Variants in SLC25A37 observed in about 807,000 individuals in gnomAD.
The protein encoded by SLC25A37 is mitoferrin-1.
SLC25A37 carries 17 observed loss-of-function variants against 31.0 expected under a neutral mutation model. The ratio of observed to expected loss-of-function variants is 0.55; its 90% CI spans 0.38 to 0.82. The LOEUF (loss-of-function observed/expected upper bound fraction) is 0.82. SLC25A37 is among the 40% of genes least tolerant of loss of function. SLC25A37 has a pLI of 0.00. For missense variants in SLC25A37, 404 were observed against 465.8 expected (o/e 0.87, Z 1.22); for synonymous variants, 222 against 193.0 (o/e 1.15, Z -1.24).
At chr8:23,559,585 A>G (rs1585196390) in intron 1 of SLC25A37, among the ~76,000 whole-genome samples, 1 of 152,316 alleles carries the variant, frequency 6.6e-6, no homozygotes, top group Middle Eastern at 3.4e-3. Context: ...AGTGTCATGC[A>G]TCCACAGAAC....
At chr8:23,537,057 A>G (rs1293898625) in intron 1 of SLC25A37, among the ~76,000 whole-genome samples, 2 of 152,014 alleles carry the variant, frequency 1.3e-5, no homozygotes, top group Non-Finnish European at 2.9e-5. Flanking sequence ...TTAGCTTGGT[A>G]TAGTGGTATG....
In SLC25A37 at chr8:23,529,058, G is replaced by C. The variant is rs200459609; in HGVS notation, c.56G>C (p.Gly19Ala). ...CAGGCGGTGGCGCGGAGGATGGATG[G>C]GGACAGCCGAGATGGCGGCGGCGGC... is the stretch of plus-strand genomic sequence containing the variant. ...GSQAVARRMDGDSRDGGGGKD... is the reference protein window; with the variant it reads ...GSQAVARRMDADSRDGGGGKD... Residue 19 changes from glycine to alanine, a missense_variant, in exon 1 of 4, where the codon GGG becomes GCG. Transcript: ENST00000519973. The surrounding 1 kb of genome is among the most constrained non-coding windows in gnomAD (Gnocchi z 4.1). The C allele has an allele frequency of 9.4e-4, 1,483 of 1,583,794 alleles. 13 individuals carry two copies. The Middle Eastern group carries it at 0.025, about 27-fold the overall frequency.
intron 1 of SLC25A37, among the ~76,000 whole-genome samples, chr8:23,548,893 C>T (rs1411399658): frequency 1.3e-5 from 2 of 152,170 alleles, no homozygotes; most frequent in Non-Finnish European, 2.9e-5. Flanking sequence ...GTTTCAGGCT[C>T]ATCTTCAGGT....
At position 23,571,862 on chromosome 8, in the gene SLC25A37, G is replaced by C. The variant is rs778414489; in HGVS notation, c.*7G>C. 6.2e-7 allele frequency: 1 copy of C among 1,604,776 alleles called. No homozygotes were observed. The highest frequency in any genetic ancestry group is 1.1e-5 in the South Asian group (1 of 90,948). On this transcript the variant is annotated 3_prime_UTR_variant, in exon 4 of 4. Coordinates refer to ENST00000519973, the MANE Select transcript of SLC25A37 (RefSeq NM_016612.4). ...AAATCGAGCTCCATACTAAAGGAAG[G>C]GATCATAGAATCTTTTCTTAAAGTC...
intron 1 of SLC25A37, among the ~76,000 whole-genome samples, chr8:23,552,170 G>C (rs1048092207): frequency 6.6e-6 from 1 of 152,178 alleles, no homozygotes; most frequent in Admixed American, 6.5e-5. Flanking sequence ...AAGCCATTTT[G>C]ATTAACCTAG....
At position 23,529,563 on chromosome 8, in the gene SLC25A37, T is replaced by TA. The variant is rs1801622212; in HGVS notation, c.210+352dup. 6.6e-6 allele frequency among the ~76,000 whole-genome samples: 1 copy of TA among 152,110 alleles called. No homozygotes were observed. Among genetic ancestry groups the TA allele is most frequent in the Admixed American group, 6.5e-5 (1 of 15,278 alleles). ...CGATCGCTGAAGCTCTGCACAGTCT[T>TA]ACCACGCTGGCCGTTCGGGCTGGCT... is the stretch of plus-strand genomic sequence containing the variant. On this transcript the variant is annotated intron_variant, in intron 1 of 3. Coordinates refer to ENST00000519973, the MANE Select transcript of SLC25A37 (RefSeq NM_016612.4). This position sits in a 1 kb window ranked among gnomAD's most constrained non-coding sequence, Gnocchi z 4.1.
chr8:23,553,545 AGG>A (rs1802284620), intron 1 of SLC25A37, among the ~76,000 whole-genome samples: 1 of 152,180 alleles, frequency 6.6e-6, no homozygotes, highest in African/African-American at 2.4e-5. Context: ...AGTCAAGGGG[AGG>A]CCCTGGGTAG....
rs1013313446 is a variant in SLC25A37, at chr8:23,574,950, A to G, written c.*3095A>G. On this transcript the variant is annotated 3_prime_UTR_variant, in exon 4 of 4. Coordinates refer to ENST00000519973, the MANE Select transcript of SLC25A37 (RefSeq NM_016612.4). ...CCAAACCATGATTTGAGGTTCAACT[A>G]CCTGTAGATCAAAGCTTTATTTTAG... 4 of 152,480 alleles carry G rather than the reference A, an allele frequency of 2.6e-5. No individual in the cohort carries two copies. The highest frequency in any genetic ancestry group is 9.7e-5 in the African/African-American group (4 of 41,440). The allele number at this position is 152,480 out of a possible 1,614,324, so 9.4% of individuals were successfully genotyped here.
rs548060259 is a variant in SLC25A37 at position 23,546,884 on chromosome 8, G to A, written c.210+17672G>A. On this transcript the variant is annotated intron_variant, in intron 1 of 3. Coordinates refer to ENST00000519973, the MANE Select transcript of SLC25A37 (RefSeq NM_016612.4). ...TAGAACTGTAATTTGCTATTATGGGGGTTGGGGTGCAGTGCGTATTAGTAC... is the reference window on the plus strand; with the variant it reads ...TAGAACTGTAATTTGCTATTATGGGAGTTGGGGTGCAGTGCGTATTAGTAC... 2.0e-4 allele frequency among the ~76,000 whole-genome samples: 30 copies of A among 151,984 alleles called. No individual in the cohort carries two copies. The South Asian group carries it at 6.0e-3, about 31-fold the overall frequency.
rs1413355777 is a variant in SLC25A37 at position 23,571,475 on chromosome 8, T to C, written c.637T>C (p.Ser213Pro). 6.2e-7 allele frequency: 1 copy of C among 1,613,942 alleles called. No individual in the cohort carries two copies. The highest frequency in any genetic ancestry group is 8.5e-7 in the Non-Finnish European group (1 of 1,179,862). The change falls in exon 4 of 4, where the codon TCC (serine) becomes CCC (proline). Residue 213 changes from serine (S) to proline (P), a missense_variant. Coordinates refer to ENST00000519973, the MANE Select transcript of SLC25A37 (RefSeq NM_016612.4). ...TQLTMNIPFQ[S>P]IHFITYEFLQ... The stretch of plus-strand genomic sequence containing the variant: ...GCTGACCATGAACATCCCCTTCCAG[T>C]CCATCCACTTCATCACCTATGAGTT...
chr8:23,544,270 A>G (rs1296151686), intron 1 of SLC25A37, among the ~76,000 whole-genome samples: 11 of 152,208 alleles, frequency 7.2e-5, no homozygotes, highest in Non-Finnish European at 2.9e-5. Context: ...GTAGCCTAGG[A>G]GCAACACACT....
intron 1 of SLC25A37, among the ~76,000 whole-genome samples, chr8:23,552,293 G>A (rs1381059731): frequency 6.6e-6 from 1 of 152,188 alleles, no homozygotes; most frequent in Non-Finnish European, 1.5e-5. Context: ...GTGAATACAA[G>A]GATTTCTCGT....
chr8:23,574,994 T>G lies in SLC25A37; in HGVS notation c.*3139T>G, dbSNP rs1802948020. The G allele has an allele frequency of 6.6e-6, 1 of 152,332 alleles. No individual in the cohort carries two copies. The highest frequency in any genetic ancestry group is 2.4e-5 in the African/African-American group (1 of 41,468). 9.4% of individuals were successfully genotyped at this position (152,332 alleles called of 1,614,324 possible). ...ATTTTAGAACGATAAACTGATTTTT[T>G]CCAAATGGGTGAAATCTTCTCCCCA... On this transcript the variant is annotated 3_prime_UTR_variant, in exon 4 of 4. Coordinates refer to ENST00000519973, the MANE Select transcript of SLC25A37 (RefSeq NM_016612.4).
At chr8:23,563,924 C>T (rs1295420845) in intron 1 of SLC25A37, among the ~76,000 whole-genome samples, 2 of 151,862 alleles carry the variant, frequency 1.3e-5, no homozygotes, top group East Asian at 1.9e-4. Context: ...GAGGTTGCAG[C>T]GAGCCGAGAT....
intron 1 of SLC25A37, among the ~76,000 whole-genome samples, chr8:23,552,623 A>T (rs1010551005): frequency 6.6e-6 from 1 of 152,086 alleles, no homozygotes; most frequent in Admixed American, 6.6e-5. Flanking sequence ...TTCCCATCCT[A>T]TCCCAACCCC....
chr8:23,564,207 A>G (rs1585200365), intron 1 of SLC25A37, among the ~76,000 whole-genome samples: 1 of 152,030 alleles, frequency 6.6e-6, no homozygotes, highest in South Asian at 2.1e-4. Context: ...TGTGGTTTTA[A>G]TAGCTGGTGA....
chr8:23,571,795 CTA>C lies in SLC25A37; in HGVS notation c.959_960del (p.Tyr320Ter). 6.2e-7 allele frequency: 1 copy of C among 1,613,878 alleles called. No individual in the cohort carries two copies. Among genetic ancestry groups the C allele is most frequent in the Non-Finnish European group, 8.5e-7 (1 of 1,179,774 alleles). The stretch of plus-strand genomic sequence containing the variant: ...CCTCCACCGCCATTTCTTGGTCTGT[CTA>C]TGAGTTCTTCAAGTACTTTCTCACC... ...MPSTAISWSV[Y>X]EFFKYFLTKR... On this transcript the variant is annotated frameshift_variant, in exon 4 of 4. Transcript: ENST00000519973. LOFTEE classifies it high-confidence loss of function.
intron 1 of SLC25A37, among the ~76,000 whole-genome samples, chr8:23,545,088 G>A (rs919336911): frequency 2.6e-5 from 4 of 152,204 alleles, no homozygotes; most frequent in African/African-American, 7.2e-5. Context: ...CTCATGTGAC[G>A]TGTGCAGGTT....
chr8:23,539,451 G>T (rs1801845555), intron 1 of SLC25A37, among the ~76,000 whole-genome samples: 1 of 152,052 alleles, frequency 6.6e-6, no homozygotes. Context: ...TCCCTGGCAT[G>T]ACCAGAAAGG....
Sources: allele counts gnomAD v4.1 joint callset (sites outside exome capture counted in the v4.1 genomes callset), GRCh38; gene constraint gnomAD v4.1.1; non-coding constraint Gnocchi (gnomAD v3.1); transcripts MANE v1.5; gene names NCBI Gene and HGNC (gene_info 2026-07-23, HGNC 2026-07-21).